ZNF362: variants seen among roughly 807,000 people sequenced by gnomAD.
ZNF362 encodes the protein rotund homolog.
In ZNF362, 11 loss-of-function variants were observed where a neutral mutation model predicts 42.9. The ratio of observed to expected loss-of-function variants is 0.26; its 90% CI spans 0.16 to 0.42. The LOEUF is 0.42. ZNF362 is among the 20% of genes least tolerant of loss of function. The pLI, the probability that ZNF362 is intolerant of heterozygous loss-of-function variation, is 1.00. For synonymous variants in ZNF362, 255 were observed against 257.3 expected (o/e 0.99, Z 0.09); for missense variants, 362 against 576.2 (o/e 0.63, Z 3.81).
the ZNF362 span, among the ~76,000 whole-genome samples, chr1:33,249,614 G>A: frequency 1.3e-5 from 2 of 152,084 alleles, no homozygotes; most frequent in East Asian, 1.9e-4. Context: ...TCACACCGAC[G>A]TGAATTATGC....
At chr1:33,189,637 A>ATATATATACG in the ZNF362 span, among the ~76,000 whole-genome samples, 1 of 13,434 alleles carries the variant, frequency 7.4e-5, no homozygotes, top group Non-Finnish European at 2.5e-4. Context: ...ATTCCAGCAT[A>ATATATATACG]TATATATATA....
the ZNF362 span, among the ~76,000 whole-genome samples, chr1:33,155,093 AAAAG>A: frequency 1.4e-5 from 2 of 141,276 alleles, no homozygotes; most frequent in African/African-American, 5.1e-5. Flanking sequence ...ACTCCATCTC[AAAAG>A]GTCTCGCTCT....
At chr1:33,258,709 C>T (rs377066821) in intron 1 of ZNF362, among the ~76,000 whole-genome samples, 1 of 152,152 alleles carries the variant, frequency 6.6e-6, no homozygotes, top group Non-Finnish European at 1.5e-5. Context: ...TGGGACAGCA[C>T]GATCCCTTCA....
the ZNF362 span, among the ~76,000 whole-genome samples, chr1:33,190,465 G>A: frequency 3.9e-5 from 6 of 152,110 alleles, no homozygotes; most frequent in Non-Finnish European, 7.4e-5. Context: ...ATATAGAAGG[G>A]GCAGCCACCA....
the ZNF362 span, among the ~76,000 whole-genome samples, chr1:33,134,595 G>A: frequency 6.6e-5 from 10 of 152,198 alleles, no homozygotes; most frequent in South Asian, 1.5e-3. Context: ...CTCCTAATCC[G>A]GTAGTAGGAT....
chr1:33,257,418 CTTTCTTTCTTTT>C (rs1342269889), intron 1 of ZNF362, among the ~76,000 whole-genome samples: 1 of 148,092 alleles, frequency 6.8e-6, no homozygotes, highest in Non-Finnish European at 1.5e-5. Flanking sequence ...CTCTTTCTTT[CTTTCTTTCTTTT>C]TTTTTTTTTT....
chr1:33,130,879 G>A, the ZNF362 span, among the ~76,000 whole-genome samples: 2 of 152,184 alleles, frequency 1.3e-5, no homozygotes, highest in Admixed American at 1.3e-4. Flanking sequence ...AGATGAATTT[G>A]AGATATGTCT....
chr1:33,216,732 A>C, the ZNF362 span, among the ~76,000 whole-genome samples: 2 of 152,078 alleles, frequency 1.3e-5, no homozygotes, highest in Admixed American at 1.3e-4. Context: ...TATAGAAGGC[A>C]GGAATATAAT....
At chr1:33,213,872 CA>C in the ZNF362 span, among the ~76,000 whole-genome samples, 7 of 151,016 alleles carry the variant, frequency 4.6e-5, no homozygotes, top group South Asian at 6.3e-4. Context: ...CAAAACAAAA[CA>C]AAACAAAAAA....
chr1:33,298,947 G>C lies in ZNF362; in HGVS notation c.1164G>C (p.Lys388Asn). Residue 388 changes from lysine (K) to asparagine (N), a missense_variant, in exon 9 of 9, where the codon AAG becomes AAC. By Grantham distance (94) the Lys-to-Asn change is moderately conservative (BLOSUM62 0). Coordinates refer to ENST00000539719, the MANE Select transcript of ZNF362 (RefSeq NM_152493.3). ...GCCCACAGGAGACCTACCTGATGAA[G>C]CACATGTCCAAACACACGGTGGTGG... is the stretch of plus-strand genomic sequence containing the variant. ...RAYTSETYLM[K>N]HMSKHTVVEH... 11 of 1,613,936 alleles carry C rather than the reference G, an allele frequency of 6.8e-6. No individual in the cohort carries two copies. Among genetic ancestry groups the C allele is most frequent in the Non-Finnish European group, 9.3e-6 (11 of 1,179,996 alleles).
intron 6 of ZNF362, among the ~76,000 whole-genome samples, chr1:33,291,947 T>C (rs1428752562): frequency 1.3e-5 from 2 of 152,252 alleles, no homozygotes; most frequent in Non-Finnish European, 2.9e-5. Flanking sequence ...AAGTTGCTTA[T>C]CAGCTTAAGG....
chr1:33,298,902 C>T (rs766428910), intron 8 of ZNF362, 28 bp from the exon 9 acceptor site: 7 of 1,595,828 alleles, frequency 4.4e-6, no homozygotes, highest in Non-Finnish European at 6.0e-6. Context: ...TGGTGGTTCC[C>T]TGTTCTGAAT....
the ZNF362 span, among the ~76,000 whole-genome samples, chr1:33,180,859 C>T: frequency 2.0e-5 from 3 of 151,042 alleles, no homozygotes; most frequent in Non-Finnish European, 4.4e-5. Context: ...GGCCCCGCCC[C>T]TCCCTGCCCC....
intron 1 of ZNF362, among the ~76,000 whole-genome samples, chr1:33,269,963 C>T (rs1645890161): frequency 6.6e-6 from 1 of 152,170 alleles, no homozygotes; most frequent in South Asian, 2.1e-4. Context: ...TCAGAGACAC[C>T]CTTCTGGGAC....
chr1:33,200,533 A>G, the ZNF362 span, among the ~76,000 whole-genome samples: 1 of 152,246 alleles, frequency 6.6e-6, no homozygotes, highest in Non-Finnish European at 1.5e-5. Context: ...AAAGCAAGGC[A>G]CAGCTATATG....
intron 8 of ZNF362, among the ~76,000 whole-genome samples, chr1:33,295,687 A>G (rs1028052124): frequency 4.4e-4 from 67 of 152,266 alleles, no homozygotes; most frequent in African/African-American, 1.4e-3. Flanking sequence ...GACATGGCCC[A>G]TAGCCACCCT....
At chr1:33,140,510 AG>A in the ZNF362 span, among the ~76,000 whole-genome samples, 1 of 152,202 alleles carries the variant, frequency 6.6e-6, no homozygotes, top group Admixed American at 6.5e-5. This position sits in a 1 kb window ranked among gnomAD's most constrained non-coding sequence, Gnocchi z 4.0. Flanking sequence ...CTCAGCCTGC[AG>A]GGAGTGAGGG....
upstream of ZNF362, among the ~76,000 whole-genome samples, chr1:33,254,218 T>C (rs925063218): frequency 7.2e-5 from 11 of 152,052 alleles, no homozygotes; most frequent in African/African-American, 2.4e-4. Flanking sequence ...CTTCCACCTC[T>C]GGAGTTCAAG....
At chr1:33,267,253 T>C (rs1645871174) in intron 1 of ZNF362, among the ~76,000 whole-genome samples, 1 of 152,144 alleles carries the variant, frequency 6.6e-6, no homozygotes, top group African/African-American at 2.4e-5. Context: ...TCCAGGCCTA[T>C]CGCCCCATCA....
Sources: gnomAD v4.1 joint callset for allele counts (sites outside exome capture counted in the v4.1 genomes callset) on GRCh38, gnomAD v4.1.1 for gene constraint, Gnocchi (gnomAD v3.1) non-coding constraint, MANE v1.5 for transcripts, NCBI Gene and HGNC (gene_info 2026-07-23, HGNC 2026-07-21) for gene names.